Variants in AKR1C2 observed in about 807,000 individuals in gnomAD.
The protein encoded by AKR1C2 is 3-alpha-HSD3.
AKR1C2 carries 27 observed loss-of-function variants against 39.8 expected under a neutral mutation model. That is an observed-to-expected ratio of 0.68 (90% CI 0.50 to 0.93). The LOEUF (loss-of-function observed/expected upper bound fraction) is 0.93, where lower values mean the gene tolerates loss of function less well. Ranked by LOEUF, AKR1C2 falls within the 40% of genes least tolerant of loss-of-function variation. AKR1C2 has a pLI of 0.00. For missense variants in AKR1C2, 263 were observed against 365.1 expected (o/e 0.72, Z 2.28); for synonymous variants, 114 against 137.9 (o/e 0.83, Z 1.22).
intron 1 of AKR1C2, among the ~76,000 whole-genome samples, chr10:5,016,275 C>T (rs563334064): frequency 1.3e-5 from 2 of 152,284 alleles, no homozygotes; most frequent in South Asian, 4.1e-4. Flanking sequence ...TCATCTGAGA[C>T]AAGGCAAGTC....
chr10:5,008,166 C>A (rs191682687), upstream of AKR1C2, among the ~76,000 whole-genome samples: 1 of 151,442 alleles, frequency 6.6e-6, no homozygotes, highest in Non-Finnish European at 1.5e-5. Flanking sequence ...CTTTCTCCCA[C>A]AGCTTTGCTA....
intron 1 of AKR1C2, among the ~76,000 whole-genome samples, chr10:5,017,164 T>A (rs1364667492): frequency 6.6e-6 from 1 of 152,246 alleles, no homozygotes; most frequent in African/African-American, 2.4e-5. Context: ...GTCTTGGCTA[T>A]TAACATTTGG....
chr10:4,997,917 T>G (rs1330802033), intron 5 of AKR1C2, among the ~76,000 whole-genome samples: 1 of 152,134 alleles, frequency 6.6e-6, no homozygotes, highest in East Asian at 1.9e-4. Context: ...GAACCATGCA[T>G]AGAATAGATG....
At position 5,001,645 on chromosome 10, in the gene AKR1C2, C is replaced by A. The variant is rs200268088; in HGVS notation, c.121G>T (p.Ala41Ser). 1.2e-6 allele frequency: 2 copies of A among 1,613,762 alleles called. No homozygotes were observed. The highest frequency in any genetic ancestry group is 2.2e-5 in the East Asian group (1 of 44,886). ...KSKALEAVKL[A>S]IEAGFHHIDS... ...ATATGGTGGAACCCGGCTTCTATTG[C>A]CAATTTGACGGCCTCTAGAGCTTTA... Residue 41 changes from alanine (A) to serine (S), a missense_variant, in exon 2 of 9, where the codon GCA becomes TCA. Physicochemically the swap from Ala to Ser is moderately conservative, Grantham distance 99. Transcript: ENST00000380753.
At chr10:5,012,027 G>A (rs1296778252) in intron 1 of AKR1C2, among the ~76,000 whole-genome samples, 13 of 152,104 alleles carry the variant, frequency 8.5e-5, no homozygotes, top group African/African-American at 2.6e-4. Context: ...CATGTACAGC[G>A]AAAAAAGATA....
At chr10:5,001,002 A>G (rs181074625) in intron 2 of AKR1C2, among the ~76,000 whole-genome samples, 3 of 152,352 alleles carry the variant, frequency 2.0e-5, no homozygotes, top group African/African-American at 2.4e-5. Context: ...ATTCAGCCCA[A>G]TGGGCAAGAC....
At chr10:4,990,091 G>C in intron 8 of AKR1C2, 53 bp from the exon 9 acceptor site, 1 of 1,608,586 alleles carries the variant, frequency 6.2e-7, no homozygotes, top group Admixed American at 1.7e-5. Context: ...TCCGTTACTA[G>C]CCCGTAGCGC....
chr10:5,000,265 T>A, intron 3 of AKR1C2: 1 of 1,460,674 alleles, frequency 6.8e-7, no homozygotes, highest in Non-Finnish European at 9.0e-7. Flanking sequence ...GAATCATAAA[T>A]AAGACCTTGT....
intron 1 of AKR1C2, among the ~76,000 whole-genome samples, chr10:5,003,481 A>G (rs1438491943): frequency 6.6e-6 from 1 of 151,186 alleles, no homozygotes; most frequent in Non-Finnish European, 1.5e-5. Context: ...TCCCATTGCA[A>G]TCAATCTTCA....
intron 1 of AKR1C2, chr10:5,017,758 C>G (rs1554775463): frequency 2.0e-5 from 3 of 152,146 alleles, no homozygotes; most frequent in African/African-American, 7.2e-5. Flanking sequence ...TATTTAGTAC[C>G]AATTTTCTGT....
chr10:5,006,494 T>C (rs182125216), upstream of AKR1C2: 1 of 152,186 alleles, frequency 6.6e-6, no homozygotes, highest in African/African-American at 2.4e-5. Flanking sequence ...TTCCAGCTAC[T>C]CCGGAGGCTA....
At chr10:5,017,600 A>T (rs78753062) in intron 1 of AKR1C2, among the ~76,000 whole-genome samples, 1 of 152,156 alleles carries the variant, frequency 6.6e-6, no homozygotes, top group African/African-American at 2.4e-5. Flanking sequence ...CATTTTCTTC[A>T]TAACCATTCA....
At chr10:4,994,690 C>A (rs1423447902) in intron 7 of AKR1C2, among the ~76,000 whole-genome samples, 1 of 151,066 alleles carries the variant, frequency 6.6e-6, no homozygotes, top group African/African-American at 2.4e-5. Context: ...CTGCCCTGAA[C>A]ACACATGAGA....
chr10:4,994,661 C>T (rs1464120631), intron 7 of AKR1C2, among the ~76,000 whole-genome samples: 5 of 151,466 alleles, frequency 3.3e-5, no homozygotes, highest in African/African-American at 1.2e-4. Flanking sequence ...CAGGGACATC[C>T]TGAAGCAGAG....
upstream of AKR1C2, chr10:5,007,405 A>G (rs1837427635): frequency 6.6e-6 from 1 of 151,972 alleles, no homozygotes; most frequent in African/African-American, 2.4e-5. Flanking sequence ...GCAGAAACGT[A>G]CCTGTGGAAA....
At chr10:4,998,829 C>A in intron 4 of AKR1C2, 82 bp from the exon 5 acceptor site, 1 of 1,585,862 alleles carries the variant, frequency 6.3e-7, no homozygotes, top group African/African-American at 1.3e-5. Context: ...GTGAAAGCAA[C>A]AACTGTCTAG....
At chr10:5,014,796 G>C (rs1355192702) in intron 1 of AKR1C2, 1 of 152,172 alleles carries the variant, frequency 6.6e-6, no homozygotes. Flanking sequence ...ACATGGCTTT[G>C]CATATTTAAT....
chr10:4,991,283 G>C (rs1190412750), intron 8 of AKR1C2, among the ~76,000 whole-genome samples: 1 of 151,552 alleles, frequency 6.6e-6, no homozygotes, highest in African/African-American at 2.4e-5. Context: ...GCAGTATTTG[G>C]CTCATGGGCA....
chr10:5,008,349 C>A (rs1445805519), upstream of AKR1C2, among the ~76,000 whole-genome samples: 5 of 151,554 alleles, frequency 3.3e-5, no homozygotes, highest in Non-Finnish European at 7.4e-5. Context: ...AAGCCTCAAC[C>A]ACTCTTGTGC....
Sources: allele counts gnomAD v4.1 joint callset (sites outside exome capture counted in the v4.1 genomes callset), GRCh38; gene constraint gnomAD v4.1.1; transcripts MANE v1.5; gene names NCBI Gene and HGNC (gene_info 2026-07-23, HGNC 2026-07-21).